The following TENM1 variants were observed in gnomAD, a reference collection of about 807,000 sequenced individuals.
TENM1 encodes the protein teneurin transmembrane protein 1, also known as teneurin-1.
In TENM1, 35 loss-of-function variants were observed where a neutral mutation model predicts 174.8. The ratio of observed to expected loss-of-function variants is 0.20; its 90% CI spans 0.15 to 0.27. TENM1 has a LOEUF of 0.27. Ranked by LOEUF, TENM1 falls within the 10% of genes least tolerant of loss-of-function variation. The pLI, the probability that TENM1 is intolerant of heterozygous loss-of-function variation, is 1.00. For missense variants in TENM1, 1,633 were observed against 2,130.1 expected, an observed-to-expected ratio of 0.77 and a Z score of 4.59; for synonymous variants, 781 against 798.7, an observed-to-expected ratio of 0.98 and a Z score of 0.37.
chrX:124,703,108 T>G (rs1386620985), intron 5 of TENM1, among the ~76,000 whole-genome samples: 4 of 111,797 alleles, frequency 3.6e-5, no homozygotes, highest in Non-Finnish European at 7.5e-5. Context: ...TTATATTAAC[T>G]CATTTAATTC....
At chrX:124,380,709 C>A in exon 32 of TENM1, 1 of 1,211,503 alleles carries the variant, frequency 8.3e-7, no homozygotes, top group South Asian at 1.8e-5. Flanking sequence ...CCCTCTTCCC[C>A]CTCTTGCAGC....
chrX:124,908,861 ATTT>A (rs779878309), intron 1 of TENM1, among the ~76,000 whole-genome samples: 1 of 99,662 alleles, frequency 1.0e-5, no homozygotes, highest in Non-Finnish European at 2.1e-5. Flanking sequence ...TATTATTCCA[ATTT>A]TTTTTTTTTT....
chrX:125,154,901 A>C, the TENM1 span, among the ~76,000 whole-genome samples: 1 of 111,144 alleles, frequency 9.0e-6, no homozygotes, highest in Non-Finnish European at 1.9e-5. Context: ...CTTCGCAGTG[A>C]GTGTTACAGC....
At chrX:125,112,658 C>T in the TENM1 span, among the ~76,000 whole-genome samples, 5,811 of 111,387 alleles carry the variant, frequency 0.052, 382 homozygotes, top group African/African-American at 0.18. Flanking sequence ...ATTAATTTTA[C>T]GAAAACAGGC....
At chrX:124,446,258 TA>T (rs1410891102) in intron 23 of TENM1, among the ~76,000 whole-genome samples, 4 of 112,403 alleles carry the variant, frequency 3.6e-5, no homozygotes, top group South Asian at 3.7e-4. Flanking sequence ...AAATCTTAGT[TA>T]TATCACTCAA....
the TENM1 span, among the ~76,000 whole-genome samples, chrX:125,056,745 G>A: frequency 1.6e-4 from 18 of 111,835 alleles, no homozygotes; most frequent in Non-Finnish European, 2.6e-4. Context: ...AATTGATTCT[G>A]TCACCCTTGT....
chrX:125,101,671 C>T, the TENM1 span, among the ~76,000 whole-genome samples: 8 of 111,915 alleles, frequency 7.1e-5, no homozygotes, highest in Admixed American at 4.7e-4. Context: ...CCATTGCTCC[C>T]GATATGCTAC....
chrX:125,066,425 T>C, the TENM1 span, among the ~76,000 whole-genome samples: 1 of 111,562 alleles, frequency 9.0e-6, no homozygotes, highest in Non-Finnish European at 1.9e-5. Flanking sequence ...TAACTTTTTA[T>C]TATTGTTCCC....
chrX:124,725,987 A>G (rs893257261), intron 4 of TENM1, among the ~76,000 whole-genome samples: 1 of 112,302 alleles, frequency 8.9e-6, no homozygotes, highest in Non-Finnish European at 1.9e-5. Flanking sequence ...TCTCTGTTTT[A>G]AATATAGTCG....
At position 124,813,497 on chromosome X, in the gene TENM1, A is replaced by G. The variant is rs189222497; in HGVS notation, c.536-76300T>C. Among the ~76,000 whole-genome samples, 23 of 112,017 alleles carry G rather than the reference A, an allele frequency of 2.1e-4. No homozygotes were observed. The East Asian group carries it at 5.9e-3, about 28-fold the overall frequency. On this transcript the variant is annotated intron_variant, in intron 3 of 31. Transcript: ENST00000422452. ...TGTGTAAAGGCACACACATAAATAT[A>G]TTAACTACAGTATGTTTTTGTAATA...
chrX:124,847,936 C>G (rs2056641479), intron 3 of TENM1, among the ~76,000 whole-genome samples: 1 of 111,188 alleles, frequency 9.0e-6, no homozygotes, highest in Admixed American at 9.6e-5. Context: ...TATTTTATGA[C>G]AGCTATCAGC....
At chrX:124,976,633 A>G in the TENM1 span, among the ~76,000 whole-genome samples, 1 of 112,027 alleles carries the variant, frequency 8.9e-6, no homozygotes, top group Non-Finnish European at 1.9e-5. Flanking sequence ...AGTTTCATTC[A>G]TAGCATCCTA....
At chrX:124,947,011 T>TTATCA (rs2058413097) in intron 1 of TENM1, among the ~76,000 whole-genome samples, 2 of 110,659 alleles carry the variant, frequency 1.8e-5, no homozygotes, top group Admixed American at 9.6e-5. Context: ...AGTAAATTGG[T>TTATCA]TATCATTGAG....
intron 3 of TENM1, among the ~76,000 whole-genome samples, chrX:124,808,091 A>G (rs897858369): frequency 6.2e-5 from 7 of 112,010 alleles, no homozygotes; most frequent in Non-Finnish European, 1.3e-4. Context: ...AGAGACATAT[A>G]TAATCTATAA....
At chrX:124,628,061 G>A (rs897651012) in intron 11 of TENM1, among the ~76,000 whole-genome samples, 2 of 110,941 alleles carry the variant, frequency 1.8e-5, no homozygotes, top group African/African-American at 6.6e-5. Flanking sequence ...TATATTTCCT[G>A]GATACGATTT....
intron 6 of TENM1, among the ~76,000 whole-genome samples, chrX:124,667,734 T>C (rs1202676854): frequency 2.7e-5 from 3 of 111,483 alleles, no homozygotes; most frequent in Non-Finnish European, 5.6e-5. Flanking sequence ...TTGTGACTTA[T>C]ATCTGCTTAT....
At chrX:124,442,671 AT>A (rs980873875) in intron 23 of TENM1, among the ~76,000 whole-genome samples, 1 of 110,491 alleles carries the variant, frequency 9.1e-6, no homozygotes, top group Non-Finnish European at 1.9e-5. Context: ...GTTAAAGAAA[AT>A]TTTTTTTTGA....
At chrX:125,184,169 T>C in the TENM1 span, among the ~76,000 whole-genome samples, 2 of 111,936 alleles carry the variant, frequency 1.8e-5, no homozygotes, top group African/African-American at 6.5e-5. Context: ...TTTTTATAAG[T>C]GTGCATTCTT....
At chrX:124,707,398 A>T (rs2052935536) in intron 4 of TENM1, among the ~76,000 whole-genome samples, 1 of 111,524 alleles carries the variant, frequency 9.0e-6, no homozygotes, top group Admixed American at 9.6e-5. Context: ...AGACAGGAAT[A>T]ATATAGTGTG....
Sources: allele counts gnomAD v4.1 joint callset (sites outside exome capture counted in the v4.1 genomes callset), GRCh38; gene constraint gnomAD v4.1.1; transcripts MANE v1.5; gene names NCBI Gene and HGNC (gene_info 2026-07-23, HGNC 2026-07-21).